NOX4: variants seen among roughly 807,000 people sequenced by gnomAD.
NOX4 encodes the protein NADPH oxidase 4, also known as kidney oxidase-1.
NOX4 carries 69 observed loss-of-function variants against 87.6 expected under a neutral mutation model. The ratio of observed to expected loss-of-function variants is 0.79; its 90% CI spans 0.65 to 0.96. NOX4 has a LOEUF of 0.96. NOX4 is among the 40% of genes least tolerant of loss of function. NOX4 has a pLI of 0.00. For missense variants in NOX4, 680 were observed against 681.5 expected (o/e 1.00, Z 0.02); for synonymous variants, 275 against 238.2 (o/e 1.15, Z -1.42).
intron 12 of NOX4, among the ~76,000 whole-genome samples, chr11:89,367,262 G>T (rs1478250419): frequency 6.6e-6 from 1 of 152,072 alleles, no homozygotes; most frequent in East Asian, 1.9e-4. Flanking sequence ...AGTTACATCT[G>T]TATTTGCCAT....
intron 8 of NOX4, among the ~76,000 whole-genome samples, chr11:89,411,548 G>A (rs1282987700): frequency 6.6e-6 from 1 of 152,102 alleles, no homozygotes; most frequent in Non-Finnish European, 1.5e-5. Context: ...TGACTGAGGA[G>A]TCCTTGGGCC....
At chr11:89,508,597 G>T in the NOX4 span, among the ~76,000 whole-genome samples, 1 of 152,062 alleles carries the variant, frequency 6.6e-6, no homozygotes, top group Non-Finnish European at 1.5e-5. Flanking sequence ...TATGTTGAGA[G>T]ACTGCCCAAA....
At chr11:89,400,522 A>C (rs1941774228) in intron 9 of NOX4, 143 bp from the exon 10 acceptor site, 1 of 534,590 alleles carries the variant, frequency 1.9e-6, no homozygotes, top group East Asian at 3.2e-5. Context: ...ATGAGTAAAA[A>C]ATAATAGATG....
At chr11:89,355,364 A>G (rs1221551488) in intron 12 of NOX4, among the ~76,000 whole-genome samples, 1 of 148,500 alleles carries the variant, frequency 6.7e-6, no homozygotes, top group Non-Finnish European at 1.5e-5. Flanking sequence ...GCCTGGATTA[A>G]TATTTGAAAT....
At chr11:89,583,277 T>C in the NOX4 span, among the ~76,000 whole-genome samples, 3 of 152,104 alleles carry the variant, frequency 2.0e-5, no homozygotes, top group East Asian at 3.9e-4. Flanking sequence ...TCCTCAGCAC[T>C]GCATAAACTC....
the NOX4 span, chr11:89,533,934 C>T: frequency 1.3e-5 from 2 of 152,188 alleles, no homozygotes; most frequent in African/African-American, 2.4e-5. Flanking sequence ...TTGTCTTAAG[C>T]TTGTCTCAGG....
chr11:89,334,974 T>C (rs1397826708), intron 17 of NOX4, among the ~76,000 whole-genome samples: 1 of 151,752 alleles, frequency 6.6e-6, no homozygotes, highest in Non-Finnish European at 1.5e-5. Flanking sequence ...GAAGAGTTTA[T>C]GTATTTTTGT....
chr11:89,519,984 C>A, the NOX4 span, among the ~76,000 whole-genome samples: 6 of 151,654 alleles, frequency 4.0e-5, no homozygotes, highest in African/African-American at 1.5e-4. Flanking sequence ...AATAAAGTAC[C>A]CTACCATTTC....
chr11:89,583,684 C>A, the NOX4 span, among the ~76,000 whole-genome samples: 1 of 152,160 alleles, frequency 6.6e-6, no homozygotes, highest in Non-Finnish European at 1.5e-5. Context: ...ATGGGAAAAA[C>A]TTCTGTCATT....
chr11:89,354,247 TAAAG>T (rs1823206932), intron 13 of NOX4, among the ~76,000 whole-genome samples: 1 of 152,134 alleles, frequency 6.6e-6, no homozygotes, highest in Non-Finnish European at 1.5e-5. Context: ...CACTAACAAT[TAAAG>T]AGAGTTAAAC....
Position 89,467,377 on chromosome 11 carries a change from AT to A in NOX4, c.154-15483del, listed in dbSNP as rs1334850396. 5.9e-3 allele frequency among the ~76,000 whole-genome samples: 842 copies of A among 143,716 alleles called. 15 individuals carry two copies. The highest frequency in any genetic ancestry group is 0.014 in the African/African-American group (526 of 38,862). 94.3% of individuals were successfully genotyped at this position (143,716 alleles called of 152,430 possible). ...AAAAAAAAAAAAAAAAAAAAAAAAA[AT>A]TTGTCTTTATCTTTTTATTTTATTT... On this transcript the variant is annotated intron_variant, in intron 2 of 17. Coordinates refer to ENST00000263317, the MANE Select transcript of NOX4 (RefSeq NM_016931.5).
At chr11:89,427,353 A>G (rs1051759713) in intron 7 of NOX4, among the ~76,000 whole-genome samples, 2 of 152,224 alleles carry the variant, frequency 1.3e-5, no homozygotes, top group African/African-American at 4.8e-5. Context: ...CTCACTAGCA[A>G]TGGAACAAAG....
the NOX4 span, among the ~76,000 whole-genome samples, chr11:89,564,495 C>T: frequency 1.3e-5 from 2 of 152,146 alleles, no homozygotes; most frequent in East Asian, 1.9e-4. Context: ...CCTCCTTCAA[C>T]ATGGGAGATT....
intron 7 of NOX4, among the ~76,000 whole-genome samples, chr11:89,422,216 A>G (rs1427897818): frequency 1.3e-5 from 2 of 152,188 alleles, no homozygotes; most frequent in Admixed American, 1.3e-4. Flanking sequence ...ATAAAGACAC[A>G]TGGAAATAAT....
chr11:89,331,948 GC>G (rs1181598289), intron 17 of NOX4, among the ~76,000 whole-genome samples: 1 of 148,570 alleles, frequency 6.7e-6, no homozygotes, highest in East Asian at 2.0e-4. Context: ...AGGAATCTTT[GC>G]AATTCATTTG....
intron 6 of NOX4, among the ~76,000 whole-genome samples, chr11:89,436,434 C>T (rs148995124): frequency 1.3e-5 from 2 of 152,156 alleles, no homozygotes; most frequent in Non-Finnish European, 2.9e-5. Context: ...AGTGAAGTAC[C>T]TTGATTCTCC....
chr11:89,499,877 ATTATTAT>A (rs1405048518), upstream of NOX4, among the ~76,000 whole-genome samples: 1 of 3,556 alleles, frequency 2.8e-4, no homozygotes, highest in Non-Finnish European at 2.1e-3. Flanking sequence ...AGCACCTCTC[ATTATTAT>A]TTATCATTCT....
chr11:89,423,105 C>T (rs1362932857), intron 7 of NOX4, among the ~76,000 whole-genome samples: 1 of 151,866 alleles, frequency 6.6e-6, no homozygotes, highest in East Asian at 1.9e-4. Context: ...GCCCTCTGAT[C>T]CTTCTTTAAA....
chr11:89,441,340 C>T (rs1425723531), intron 5 of NOX4, among the ~76,000 whole-genome samples: 1 of 152,130 alleles, frequency 6.6e-6, no homozygotes, highest in African/African-American at 2.4e-5. Flanking sequence ...TGGTTATAGT[C>T]AGCACCCTTC....
Sources: allele counts gnomAD v4.1 joint callset (sites outside exome capture counted in the v4.1 genomes callset), GRCh38; gene constraint gnomAD v4.1.1; transcripts MANE v1.5; gene names NCBI Gene and HGNC (gene_info 2026-07-23, HGNC 2026-07-21).